Variants in BABAM2 observed in about 807,000 individuals in gnomAD.
BABAM2 encodes BRISC and BRCA1-A complex member 2.
Under a neutral mutation model 54.7 loss-of-function variants are expected in BABAM2, and 31 were observed. That is an observed-to-expected ratio of 0.57 (90% CI 0.43 to 0.77). BABAM2 has a LOEUF of 0.77. Among genes scored for constraint, BABAM2 ranks in the 30% least tolerant of loss-of-function variants. The probability of loss-of-function intolerance (pLI) is 0.00; values close to 1 mark genes in which losing one functional copy is unlikely to be tolerated. For missense variants in BABAM2, 364 were observed against 455.8 expected (o/e 0.80, Z 1.83); for synonymous variants, 167 against 162.9 (o/e 1.03, Z -0.19).
chr2:28,112,146 T>TTTCTTTCTCTTTCTTTCCTTCC (rs1344247281), intron 6 of BABAM2, among the ~76,000 whole-genome samples: 1 of 10,558 alleles, frequency 9.5e-5, no homozygotes, highest in Non-Finnish European at 1.5e-4. Context: ...TCTTTCTTTC[T>TTTCTTTCTCTTTCTTTCCTTCC]TTACCTCCCT....
intron 6 of BABAM2, among the ~76,000 whole-genome samples, chr2:28,057,978 C>T (rs1007191151): frequency 6.6e-6 from 1 of 151,996 alleles, no homozygotes. Flanking sequence ...CCCGTCTCTA[C>T]TGAAAATGCA....
At chr2:27,940,215 T>A (rs554755549) in intron 3 of BABAM2, among the ~76,000 whole-genome samples, 18 of 152,240 alleles carry the variant, frequency 1.2e-4, no homozygotes, top group Non-Finnish European at 5.9e-5. Flanking sequence ...TGGCTGAAAA[T>A]TTTCCAGCTA....
At chr2:28,144,716 C>T (rs893745688) in intron 7 of BABAM2, among the ~76,000 whole-genome samples, 1 of 152,232 alleles carries the variant, frequency 6.6e-6, no homozygotes, top group Non-Finnish European at 1.5e-5. Flanking sequence ...AGCCACGACA[C>T]TGAAGACACT....
intron 6 of BABAM2, among the ~76,000 whole-genome samples, chr2:28,082,387 A>G (rs1665255048): frequency 6.6e-6 from 1 of 152,212 alleles, no homozygotes; most frequent in Admixed American, 6.5e-5. Context: ...GCAATATGTC[A>G]TCTGAATTCT....
intron 7 of BABAM2, among the ~76,000 whole-genome samples, chr2:28,157,085 A>C (rs1375690494): frequency 6.6e-6 from 1 of 152,178 alleles, no homozygotes; most frequent in Non-Finnish European, 1.5e-5. Flanking sequence ...TTTTTTCCTT[A>C]TGAAAATAAT....
At chr2:28,106,307 G>A (rs1166859773) in intron 6 of BABAM2, among the ~76,000 whole-genome samples, 1 of 152,142 alleles carries the variant, frequency 6.6e-6, no homozygotes, top group Admixed American at 6.6e-5. Flanking sequence ...TTTTTTGTAA[G>A]AGATGAGGTG....
chr2:27,932,791 C>T (rs955988762), intron 3 of BABAM2, among the ~76,000 whole-genome samples: 1 of 152,182 alleles, frequency 6.6e-6, no homozygotes, highest in Non-Finnish European at 1.5e-5. Flanking sequence ...GGACAGATGG[C>T]TTCCTCCTCA....
chr2:28,230,035 T>C (rs933328385), intron 7 of BABAM2, among the ~76,000 whole-genome samples: 1 of 152,238 alleles, frequency 6.6e-6, no homozygotes, highest in African/African-American at 2.4e-5. Context: ...CATTTTTATA[T>C]GTCCCTTTAA....
intron 10 of BABAM2, among the ~76,000 whole-genome samples, chr2:28,269,150 A>G (rs1685216429): frequency 6.6e-6 from 1 of 152,192 alleles, no homozygotes; most frequent in Non-Finnish European, 1.5e-5. Flanking sequence ...TTTATCTTAA[A>G]AGACCCAAAG....
intron 10 of BABAM2, among the ~76,000 whole-genome samples, chr2:28,261,328 A>ATTT (rs70956010): frequency 7.3e-6 from 1 of 136,702 alleles, no homozygotes; most frequent in South Asian, 2.3e-4. Context: ...ATTACTTAGA[A>ATTT]TTTTTTTTTT....
chr2:28,298,252 T>A (rs1327164539), intron 10 of BABAM2, 86 bp from the exon 11 acceptor site: 4 of 1,408,912 alleles, frequency 2.8e-6, no homozygotes, highest in Non-Finnish European at 3.9e-6. Context: ...TAGAGTTTCG[T>A]ACCTAACATT....
At chr2:28,301,144 G>A (rs1221533765) in intron 11 of BABAM2, among the ~76,000 whole-genome samples, 1 of 152,168 alleles carries the variant, frequency 6.6e-6, no homozygotes, top group South Asian at 2.1e-4. Flanking sequence ...TACACAGTGC[G>A]TAAAAGGCTA....
intron 7 of BABAM2, among the ~76,000 whole-genome samples, chr2:28,162,217 C>G (rs1353962776): frequency 6.6e-6 from 1 of 152,086 alleles, no homozygotes; most frequent in African/African-American, 2.4e-5. Context: ...AAAGAGAGTA[C>G]ATTGCTAGGC....
chr2:27,946,590 A>G (rs1340442447), intron 3 of BABAM2, among the ~76,000 whole-genome samples: 2 of 152,066 alleles, frequency 1.3e-5, no homozygotes, highest in African/African-American at 2.4e-5. Context: ...TTAGAAGGTT[A>G]GAATTCACCA....
rs1394606079 is a variant in BABAM2, at chr2:27,931,203, A to T, written c.205+1295A>T. Among the ~76,000 whole-genome samples, 3 of 152,246 alleles carry T rather than the reference A, an allele frequency of 2.0e-5. No individual in the cohort carries two copies. The East Asian group carries it at 5.8e-4, about 29-fold the overall frequency. ...TTTTACCTGTCTGAAGTAGTAGGAC[A>T]GATTCGACTACTTTTTTTTTGAAAA... On this transcript the variant is annotated intron_variant, in intron 3 of 11. Transcript: ENST00000379624.
intron 2 of BABAM2, among the ~76,000 whole-genome samples, chr2:27,920,561 T>G (rs993768477): frequency 6.6e-6 from 1 of 152,242 alleles, no homozygotes; most frequent in East Asian, 1.9e-4. Flanking sequence ...AAGGTGGTTA[T>G]TGATCTTTGA....
At chr2:28,295,799 G>T (rs544851278) in intron 10 of BABAM2, among the ~76,000 whole-genome samples, 1 of 150,552 alleles carries the variant, frequency 6.6e-6, no homozygotes, top group Admixed American at 6.6e-5. Context: ...GCCCAGCCAC[G>T]AATAGGCCTT....
chr2:28,013,308 C>T lies in BABAM2; in HGVS notation c.301-11918C>T, dbSNP rs969281916. ...ATAAGATTCCACCAGTAGGTCATCTCTTGGTAGATATTTGAACATGCCCTA... is the reference window on the plus strand; with the variant it reads ...ATAAGATTCCACCAGTAGGTCATCTTTTGGTAGATATTTGAACATGCCCTA... On this transcript the variant is annotated intron_variant, in intron 4 of 11. Coordinates refer to ENST00000379624, the MANE Select transcript of BABAM2 (RefSeq NM_199191.3). The T allele has an allele frequency of 2.8e-4, 127 of 454,214 alleles. 4 individuals are homozygous for T. The highest frequency in any genetic ancestry group is 2.0e-3 in the South Asian group (126 of 64,200). The allele number at this position is 454,214 out of a possible 1,614,324, so 28.1% of individuals were successfully genotyped here.
At chr2:28,283,491 T>A (rs1187866118) in intron 10 of BABAM2, among the ~76,000 whole-genome samples, 1 of 152,256 alleles carries the variant, frequency 6.6e-6, no homozygotes, top group Non-Finnish European at 1.5e-5. Context: ...GGCTCTCGCC[T>A]TCTAGTAAAC....
Sources: gnomAD v4.1 joint callset for allele counts (sites outside exome capture counted in the v4.1 genomes callset) on GRCh38, gnomAD v4.1.1 for gene constraint, MANE v1.5 for transcripts, NCBI Gene and HGNC (gene_info 2026-07-23, HGNC 2026-07-21) for gene names.